ATAD3A: variants seen among roughly 807,000 people sequenced by gnomAD.
ATAD3A encodes ATPase family AAA domain containing 3A.
Under a neutral mutation model 73.8 loss-of-function variants are expected in ATAD3A, and 46 were observed. The ratio of observed to expected loss-of-function variants is 0.62; its 90% CI spans 0.49 to 0.80. The LOEUF (loss-of-function observed/expected upper bound fraction) is 0.80, where lower values mean the gene tolerates loss of function less well. ATAD3A is among the 30% of genes least tolerant of loss of function. ATAD3A has a pLI of 0.00. For synonymous variants in ATAD3A, 319 were observed against 350.0 expected (o/e 0.91, Z 0.99); for missense variants, 705 against 838.0 (o/e 0.84, Z 1.96).
At chr1:1,530,828 CAAA>C (rs1174830616) in intron 15 of ATAD3A, among the ~76,000 whole-genome samples, 3 of 13,434 alleles carry the variant, frequency 2.2e-4, no homozygotes, top group Non-Finnish European at 3.3e-4. Flanking sequence ...GACTCCGTCT[CAAA>C]AAAAAAAAAA....
At chr1:1,532,858 G>A (rs1208398757) in intron 15 of ATAD3A, among the ~76,000 whole-genome samples, 6 of 151,896 alleles carry the variant, frequency 4.0e-5, no homozygotes, top group Admixed American at 1.3e-4. Context: ...GTGGCGGTGC[G>A]GCTCTGGTCA....
At chr1:1,517,170 C>G in intron 2 of ATAD3A, 141 bp from the exon 3 acceptor site, 1 of 1,548,978 alleles carries the variant, frequency 6.5e-7, no homozygotes, top group East Asian at 2.5e-5. Flanking sequence ...GGTGCAGATG[C>G]GGCTGGAAGC....
In ATAD3A at chr1:1,534,512, C is replaced by G. The variant is rs371896636; in HGVS notation, c.*440C>G. 1 of 618,594 alleles carries G rather than the reference C, an allele frequency of 1.6e-6. No individual in the cohort carries two copies. The highest frequency in any genetic ancestry group is 4.5e-5 in the South Asian group (1 of 22,054). The allele number at this position is 618,594 out of a possible 1,614,324, so 38.3% of individuals were successfully genotyped here. A position where few individuals can be genotyped will look rare whatever the true frequency, so the allele number is the denominator to read the frequency against. On this transcript the variant is annotated 3_prime_UTR_variant, in exon 16 of 16. Coordinates refer to ENST00000378756, the MANE Select transcript of ATAD3A (RefSeq NM_001170535.3). ...CCAGACCCAGGTGGGGCAGCCTGAA[C>G]CCTGCTTCCCCCTGTGGCCGGCATG... is the stretch of plus-strand genomic sequence containing the variant.
Position 1,520,477 on chromosome 1 carries a change from C to T in ATAD3A, c.681-71C>T, listed in dbSNP as rs1157046479. ...CCGTGCCGCCATGTCAGGGCCTCAC[C>T]CTCAACCTGCTCTCGCTGCGTGGCA... On this transcript the variant is annotated intron_variant, in intron 6 of 15. Coordinates refer to ENST00000378756, the MANE Select transcript of ATAD3A (RefSeq NM_001170535.3). The surrounding 1 kb of genome is among the most constrained non-coding windows in gnomAD (Gnocchi z 4.0). 2 of 1,613,090 alleles carry T rather than the reference C, an allele frequency of 1.2e-6. No individual in the cohort carries two copies. The highest frequency in any genetic ancestry group is 1.7e-6 in the Non-Finnish European group (2 of 1,179,278).
At chr1:1,526,309 G>A (rs1641841087) in intron 12 of ATAD3A, 152 bp from the exon 13 acceptor site, 10 of 1,492,502 alleles carry the variant, frequency 6.7e-6, no homozygotes, top group South Asian at 4.0e-5. Flanking sequence ...GTGAGCCACC[G>A]CCCCTGGCCC....
rs539114033 is a variant in ATAD3A at position 1,522,007 on chromosome 1, G to A, written c.751-737G>A. Among the ~76,000 whole-genome samples the A allele has an allele frequency of 1.1e-4, 17 of 150,790 alleles. No individual in the cohort carries two copies. In the East Asian group the frequency reaches 2.8e-3, roughly 25 times the overall value. ...GCCTCCCAAAGTGCTGGGATTACAC[G>A]GGTGAGCCACCGGGCCTGGCCTAAT... On this transcript the variant is annotated intron_variant, in intron 7 of 15. Transcript: ENST00000378756.
In ATAD3A at chr1:1,530,786, G is replaced by A. The variant is rs368511043; in HGVS notation, c.1614+1455G>A. On this transcript the variant is annotated intron_variant, in intron 15 of 15. Coordinates refer to ENST00000378756, the MANE Select transcript of ATAD3A (RefSeq NM_001170535.3). Reference sequence around the variant, plus strand: ...GGAGCTTGCAGTGAGCCGAGATCCCGCCACTGCACTCCAGCCTGGGCGACA... The same window carrying A: ...GGAGCTTGCAGTGAGCCGAGATCCCACCACTGCACTCCAGCCTGGGCGACA... Among the ~76,000 whole-genome samples the A allele has an allele frequency of 1.4e-4, 14 of 97,616 alleles. 1 individual carries two copies. The East Asian group carries it at 2.8e-3, about 20-fold the overall frequency. The allele number at this position is 97,616 out of a possible 152,430, so 64.0% of individuals were successfully genotyped here.
At chr1:1,516,123 C>G in intron 2 of ATAD3A, 35 bp downstream of exon 2, 1 of 1,611,782 alleles carries the variant, frequency 6.2e-7, no homozygotes, top group East Asian at 2.2e-5. Context: ...GAGGCCGGGG[C>G]GCACATGGGG....
At chr1:1,524,966 G>A (rs1285427016) in intron 11 of ATAD3A, among the ~76,000 whole-genome samples, 4 of 152,210 alleles carry the variant, frequency 2.6e-5, no homozygotes, top group Admixed American at 2.6e-4. Flanking sequence ...CACCAGTGCT[G>A]CACTGGGCCG....
At chr1:1,533,418 G>A (rs1292722219) in intron 15 of ATAD3A, among the ~76,000 whole-genome samples, 1 of 152,242 alleles carries the variant, frequency 6.6e-6, no homozygotes, top group East Asian at 1.9e-4. Flanking sequence ...GCCTTCACGT[G>A]CCAGATGCCA....
intron 10 of ATAD3A, 126 bp from the exon 11 acceptor site, chr1:1,524,147 T>C (rs1194187687): frequency 6.5e-7 from 1 of 1,545,018 alleles, no homozygotes; most frequent in East Asian, 2.3e-5. Context: ...GGACGTCTCC[T>C]GTCTGGCAGG....
chr1:1,530,409 C>A (rs113758190), intron 15 of ATAD3A, among the ~76,000 whole-genome samples: 5 of 152,334 alleles, frequency 3.3e-5, no homozygotes, highest in African/African-American at 1.2e-4. Flanking sequence ...TGGCACATGC[C>A]TGTAATGCCA....
chr1:1,528,010 A>C lies in ATAD3A; in HGVS notation c.1505+148A>C. ...GTCTCATTCTTGTCGCCCAGGCTGG[A>C]GTGCAGTGACACGATCTCAGCTGAC... On this transcript the variant is annotated intron_variant, in intron 14 of 15. Coordinates refer to ENST00000378756, the MANE Select transcript of ATAD3A (RefSeq NM_001170535.3). 5 of 1,033,836 alleles carry C rather than the reference A, an allele frequency of 4.8e-6. No homozygotes were observed. In the South Asian group the frequency reaches 9.3e-5, roughly 19 times the overall value. 64.0% of individuals were successfully genotyped at this position (1,033,836 alleles called of 1,614,324 possible).
rs1007906823 is a variant in ATAD3A at position 1,527,205 on chromosome 1, C to A, written c.1338-490C>A. On this transcript the variant is annotated intron_variant, in intron 13 of 15. Coordinates refer to ENST00000378756, the MANE Select transcript of ATAD3A (RefSeq NM_001170535.3). ...GGAGGATCAAGTCCTGCTGGTCGGC[C>A]GTGGCTGACTCCTCAGGCACGTTGG... 3.1e-6 allele frequency: 4 copies of A among 1,302,806 alleles called. No homozygotes were observed. In the Admixed American group the frequency reaches 9.2e-5, roughly 30 times the overall value. 80.7% of individuals were successfully genotyped at this position (1,302,806 alleles called of 1,614,324 possible). A position where few individuals can be genotyped will look rare whatever the true frequency, so the allele number is the denominator to read the frequency against.
chr1:1,521,327 A>C (rs1360644670), intron 7 of ATAD3A, among the ~76,000 whole-genome samples: 3 of 151,026 alleles, frequency 2.0e-5, no homozygotes, highest in Non-Finnish European at 4.4e-5. Flanking sequence ...AAAAAAAAAA[A>C]AACCAGAAGG....
At chr1:1,529,792 C>T (rs1029355916) in intron 15 of ATAD3A, among the ~76,000 whole-genome samples, 2 of 152,186 alleles carry the variant, frequency 1.3e-5, no homozygotes, top group African/African-American at 2.4e-5. Context: ...TCTGGTTGTC[C>T]CACAGCCAGT....
chr1:1,525,878 T>C (rs1161542738), intron 12 of ATAD3A, among the ~76,000 whole-genome samples: 3 of 152,112 alleles, frequency 2.0e-5, no homozygotes, highest in Admixed American at 6.6e-5. Context: ...TCTAATTTTT[T>C]TGTAATTTTA....
At chr1:1,517,971 G>A (rs1331203826) in intron 4 of ATAD3A, among the ~76,000 whole-genome samples, 196 bp downstream of exon 4, 2 of 151,098 alleles carry the variant, frequency 1.3e-5, no homozygotes, top group Non-Finnish European at 2.9e-5. Flanking sequence ...GTGCACACAT[G>A]TACATGGAGA....
chr1:1,515,785 A>G (rs928896228), intron 1 of ATAD3A, among the ~76,000 whole-genome samples: 1 of 152,222 alleles, frequency 6.6e-6, no homozygotes, highest in African/African-American at 2.4e-5. Context: ...TGGCTCTCCA[A>G]GACCATCCCT....
Sources: gnomAD v4.1 joint callset for allele counts (sites outside exome capture counted in the v4.1 genomes callset) on GRCh38, gnomAD v4.1.1 for gene constraint, Gnocchi (gnomAD v3.1) non-coding constraint, MANE v1.5 for transcripts, NCBI Gene and HGNC (gene_info 2026-07-23, HGNC 2026-07-21) for gene names.